Variants in MMP17 observed in about 807,000 individuals in gnomAD.
MMP17 encodes the protein matrix metalloproteinase-17.
A neutral mutation model predicts 49.1 loss-of-function variants in MMP17; 54 were observed. The observed-to-expected ratio is 1.10, with a 90% CI of 0.88 to 1.38. The LOEUF is 1.38. Among genes scored for constraint, MMP17 ranks in the 40% most tolerant of loss-of-function variants. The pLI is 0.00. For synonymous variants in MMP17, 397 were observed against 383.1 expected, an observed-to-expected ratio of 1.04 and a Z score of -0.42; for missense variants, 837 against 853.7, an observed-to-expected ratio of 0.98 and a Z score of 0.24.
chr12:131,845,686 C>T (rs1593236331), intron 8 of MMP17, among the ~76,000 whole-genome samples: 1 of 152,178 alleles, frequency 6.6e-6, no homozygotes. Context: ...GCCCTGCCCT[C>T]GTTCTAGTCA....
At chr12:131,844,778 G>T in intron 6 of MMP17, 1 of 348,900 alleles carries the variant, frequency 2.9e-6, no homozygotes, top group South Asian at 3.8e-5. Flanking sequence ...CGAATTCTAG[G>T]CCCGGGCTTG....
At position 131,829,611 on chromosome 12, in the gene MMP17, G is replaced by A. The variant is rs1264963635; in HGVS notation, c.159+958G>A. On this transcript the variant is annotated intron_variant, in intron 1 of 9. Transcript: ENST00000360564. ...CACACAAGTACTCGGCCTGGCCCTC[G>A]TCCGCGGACAGTCTCCCAGTGGGGT... 4.6e-5 allele frequency among the ~76,000 whole-genome samples: 7 copies of A among 152,334 alleles called. No individual in the cohort carries two copies. In the East Asian group the frequency reaches 1.3e-3, roughly 29 times the overall value.
intron 1 of MMP17, among the ~76,000 whole-genome samples, chr12:131,832,785 G>A (rs1886891235): frequency 6.6e-6 from 1 of 152,048 alleles, no homozygotes; most frequent in Non-Finnish European, 1.5e-5. Flanking sequence ...AGGGCTCCAC[G>A]CGATCTGGCC....
At chr12:131,842,328 A>T (rs911505584) in intron 5 of MMP17, among the ~76,000 whole-genome samples, 1 of 152,050 alleles carries the variant, frequency 6.6e-6, no homozygotes, top group Non-Finnish European at 1.5e-5. Flanking sequence ...ACTTATACCC[A>T]GCCCCAGCTG....
chr12:131,851,363 G>T lies in MMP17; in HGVS notation c.*89G>T, dbSNP rs1254011765. 5.0e-6 allele frequency: 6 copies of T among 1,202,294 alleles called. No homozygotes were observed. Among genetic ancestry groups the T allele is most frequent in the Non-Finnish European group, 5.3e-6 (5 of 936,830 alleles). 74.5% of individuals were successfully genotyped at this position (1,202,294 alleles called of 1,614,324 possible). ...CTGTGCCGGAGTCCCTGGGGGAGGT[G>T]CTGGCGCGGGATGAGGACGGGCCAC... On this transcript the variant is annotated 3_prime_UTR_variant, in exon 10 of 10. Transcript: ENST00000360564.
chr12:131,848,126 C>A (rs1887798244), intron 8 of MMP17, among the ~76,000 whole-genome samples: 1 of 152,144 alleles, frequency 6.6e-6, no homozygotes, highest in African/African-American at 2.4e-5. Flanking sequence ...CACTCTATCA[C>A]CCAGGCTGCA....
chr12:131,840,686 C>T lies in MMP17; in HGVS notation c.536C>T (p.Ala179Val), dbSNP rs1324845064. The T allele has an allele frequency of 2.6e-5, 42 of 1,607,232 alleles. No homozygotes were observed. Among genetic ancestry groups the T allele is most frequent in the South Asian group, 5.5e-5 (5 of 91,096 alleles). ...GCGCCCCTGAACTTCCACGAGGTGG[C>T]GGGCAGCGCCGCCGACATCCAGATC... is the stretch of plus-strand genomic sequence containing the variant. ...DIAPLNFHEVAGSAADIQIDF... is the reference protein window; with the variant it reads ...DIAPLNFHEVVGSAADIQIDF... Residue 179 changes from alanine to valine, a missense_variant, in exon 4 of 10, where the codon GCG becomes GTG. Coordinates refer to ENST00000360564, the MANE Select transcript of MMP17 (RefSeq NM_016155.7).
intron 1 of MMP17, among the ~76,000 whole-genome samples, chr12:131,832,310 G>T (rs1350810918): frequency 1.1e-5 from 1 of 87,536 alleles, no homozygotes; most frequent in African/African-American, 4.5e-5. Flanking sequence ...GGATCGGGGG[G>T]ACGGGAACGG....
chr12:131,842,309 G>C (rs1406416842), intron 5 of MMP17, among the ~76,000 whole-genome samples: 1 of 152,070 alleles, frequency 6.6e-6, no homozygotes, highest in African/African-American at 2.4e-5. Flanking sequence ...AGGCCGACGC[G>C]GTCACCTCAC....
chr12:131,851,013 C>A lies in MMP17; in HGVS notation c.1551C>A (p.Ala517=). 1 of 1,606,748 alleles carries A rather than the reference C, an allele frequency of 6.2e-7. No individual in the cohort carries two copies. The highest frequency in any genetic ancestry group is 1.7e-5 in the Admixed American group (1 of 59,308). The change falls in exon 10 of 10, where the codon GCC becomes GCA. Residue 517 remains alanine (A), a synonymous_variant. Coordinates refer to ENST00000360564, the MANE Select transcript of MMP17 (RefSeq NM_016155.7). The part of the protein sequence containing the change: ...EVAPGYPQST[A]RDWLVCGDSQ... ...CACCCGGGTACCCACAGTCCACGGC[C>A]CGGGACTGGCTGGTGTGTGGAGACT...
At chr12:131,835,086 C>T (rs1054829980) in intron 1 of MMP17, among the ~76,000 whole-genome samples, 1 of 152,158 alleles carries the variant, frequency 6.6e-6, no homozygotes, top group Non-Finnish European at 1.5e-5. Context: ...GGAAGTGGTT[C>T]CCACCCTCTC....
intron 1 of MMP17, among the ~76,000 whole-genome samples, chr12:131,831,012 A>G (rs1178719206): frequency 1.3e-5 from 2 of 152,104 alleles, no homozygotes; most frequent in African/African-American, 2.4e-5. Context: ...CTGGGCACGG[A>G]TGGGACGCGG....
At chr12:131,828,831 C>A (rs896237136) in intron 1 of MMP17, among the ~76,000 whole-genome samples, 178 bp downstream of exon 1, 1 of 151,922 alleles carries the variant, frequency 6.6e-6, no homozygotes, top group African/African-American at 2.4e-5. Context: ...GGCTGAGCGA[C>A]CGGGCGAGCG....
Position 131,843,984 on chromosome 12 carries a change from T to TTGTCTCCCGCAGGTGTGCGGGAGTCTG in MMP17, c.884-4_906dup. ...CGGGGGTTTGAGGCCGTCCTCCTCC[T>TTGTCTCCCGCAGGTGTGCGGGAGTCTG]TGTCTCCCGCAGGTGTGCGGGAGTC... On this transcript the variant is annotated splice_polypyrimidine_tract_variant and intron_variant, in intron 5 of 9. Transcript: ENST00000360564. The TTGTCTCCCGCAGGTGTGCGGGAGTCTG allele has an allele frequency of 6.5e-7, 1 of 1,539,606 alleles. No individual in the cohort carries two copies. The highest frequency in any genetic ancestry group is 8.8e-7 in the Non-Finnish European group (1 of 1,142,804).
chr12:131,844,518 G>C (rs1480467644), intron 6 of MMP17: 1 of 252,998 alleles, frequency 4.0e-6, no homozygotes. Context: ...TGCTCCACGA[G>C]GCATGACCCT....
rs774792186 is a variant in MMP17 at position 131,845,320 on chromosome 12, CG to C, written c.1078del (p.Asp360ThrfsTer54). The C allele has an allele frequency of 6.2e-7, 1 of 1,606,172 alleles. No individual in the cohort carries two copies. The highest frequency in any genetic ancestry group is 8.5e-7 in the Non-Finnish European group (1 of 1,175,488). ...FKGKYFWRLT[R>X]DRHLVSLQPA... ...AGGCAAGTACTTCTGGCGGCTGACG[CG>C]GGACCGGCACCTGGTGTCCCTGCAG... On this transcript the variant is annotated frameshift_variant, in exon 8 of 10. Coordinates refer to ENST00000360564, the MANE Select transcript of MMP17 (RefSeq NM_016155.7). LOFTEE classifies it high-confidence loss of function.
chr12:131,846,753 T>C lies in MMP17; in HGVS notation c.1204+1304T>C, dbSNP rs1396513247. On this transcript the variant is annotated intron_variant, in intron 8 of 9. Coordinates refer to ENST00000360564, the MANE Select transcript of MMP17 (RefSeq NM_016155.7). This position sits in a 1 kb window ranked among gnomAD's most constrained non-coding sequence, Gnocchi z 4.6. Reference sequence around the variant, plus strand: ...TCCAAGTAAGGTCACGTCCTGAGATTCTGGGTGGATGTGAGTTTGGAGGAC... The same window carrying C: ...TCCAAGTAAGGTCACGTCCTGAGATCCTGGGTGGATGTGAGTTTGGAGGAC... Among the ~76,000 whole-genome samples the C allele has an allele frequency of 6.6e-6, 1 of 152,126 alleles. No individual in the cohort carries two copies. Among genetic ancestry groups the C allele is most frequent in the Non-Finnish European group, 1.5e-5 (1 of 68,006 alleles).
intron 1 of MMP17, among the ~76,000 whole-genome samples, chr12:131,836,110 GC>G (rs1391657489): frequency 2.0e-5 from 3 of 152,188 alleles, no homozygotes; most frequent in Non-Finnish European, 4.4e-5. Context: ...CTTTGGAGGG[GC>G]CCCCAGTTCT....
At chr12:131,833,884 C>T (rs752834437) in intron 1 of MMP17, among the ~76,000 whole-genome samples, 5 of 152,218 alleles carry the variant, frequency 3.3e-5, no homozygotes, top group East Asian at 1.9e-4. Flanking sequence ...AGCCCGGGGA[C>T]GGGGCCTGCA....
Sources: allele counts gnomAD v4.1 joint callset (sites outside exome capture counted in the v4.1 genomes callset), GRCh38; gene constraint gnomAD v4.1.1; non-coding constraint Gnocchi (gnomAD v3.1); transcripts MANE v1.5; gene names NCBI Gene and HGNC (gene_info 2026-07-23, HGNC 2026-07-21).